SLC35F2: variants seen among roughly 807,000 people sequenced by gnomAD.
SLC35F2 encodes queuine/queuosine transporter SLC35F2.
SLC35F2 carries 25 observed loss-of-function variants against 38.1 expected under a neutral mutation model. The ratio of observed to expected loss-of-function variants is 0.66; its 90% CI spans 0.48 to 0.92. The LOEUF (loss-of-function observed/expected upper bound fraction) is 0.92. Among genes scored for constraint, SLC35F2 ranks in the 40% least tolerant of loss-of-function variants. The pLI is 0.00. For missense variants in SLC35F2, 409 were observed against 452.9 expected (o/e 0.90, Z 0.88); for synonymous variants, 173 against 181.7 (o/e 0.95, Z 0.38).
chr11:107,815,746 T>C (rs1011468110), intron 2 of SLC35F2, 44 bp downstream of exon 2: 14 of 1,547,968 alleles, frequency 9.0e-6, no homozygotes, highest in Non-Finnish European at 1.2e-5. Context: ...GTAATTTTTA[T>C]GAAGATAATT....
At chr11:107,830,123 A>C (rs546788405) in intron 1 of SLC35F2, among the ~76,000 whole-genome samples, 1 of 152,254 alleles carries the variant, frequency 6.6e-6, no homozygotes, top group African/African-American at 2.4e-5. Context: ...AAAAATTGTA[A>C]TTAAAAACTC....
At chr11:107,853,584 G>A (rs942365630) in intron 1 of SLC35F2, among the ~76,000 whole-genome samples, 3 of 151,920 alleles carry the variant, frequency 2.0e-5, no homozygotes, top group African/African-American at 7.3e-5. Context: ...GCCGGGCGTG[G>A]TGGTGGGCGC....
At chr11:107,824,668 G>A (rs1859726204) in intron 1 of SLC35F2, among the ~76,000 whole-genome samples, 1 of 152,134 alleles carries the variant, frequency 6.6e-6, no homozygotes, top group Non-Finnish European at 1.5e-5. Flanking sequence ...TCTTTTTTAA[G>A]TGAGTGTAAT....
At chr11:107,825,915 C>T (rs1031058580) in intron 1 of SLC35F2, among the ~76,000 whole-genome samples, 2 of 152,186 alleles carry the variant, frequency 1.3e-5, no homozygotes, top group South Asian at 2.1e-4. Flanking sequence ...TCTATTTCAG[C>T]GGGAGAGTTT....
chr11:107,793,543 C>CATCTT (rs1859166944), intron 7 of SLC35F2, among the ~76,000 whole-genome samples: 4 of 152,022 alleles, frequency 2.6e-5, no homozygotes, highest in African/African-American at 9.7e-5. Context: ...ACAGAAGGGG[C>CATCTT]ATCTGCTCAA....
At chr11:107,824,187 A>C (rs1197792129) in intron 1 of SLC35F2, among the ~76,000 whole-genome samples, 1 of 152,200 alleles carries the variant, frequency 6.6e-6, no homozygotes, top group Admixed American at 6.5e-5. Flanking sequence ...GTATTGGTGT[A>C]TATGATCACC....
intron 1 of SLC35F2, among the ~76,000 whole-genome samples, chr11:107,833,985 T>C (rs938723741): frequency 3.3e-5 from 5 of 152,238 alleles, no homozygotes; most frequent in Admixed American, 6.5e-5. Flanking sequence ...GAGTTAGATA[T>C]AGATGCTATG....
At chr11:107,831,220 T>C (rs566842419) in intron 1 of SLC35F2, among the ~76,000 whole-genome samples, 2 of 152,264 alleles carry the variant, frequency 1.3e-5, no homozygotes, top group African/African-American at 4.8e-5. Flanking sequence ...CAGTTTAACT[T>C]GGAAATGTGT....
chr11:107,838,627 C>CTTTT (rs71047631), intron 1 of SLC35F2, among the ~76,000 whole-genome samples: 1 of 108,676 alleles, frequency 9.2e-6, no homozygotes, highest in Non-Finnish European at 1.8e-5. Flanking sequence ...GCCCGGCCCT[C>CTTTT]TTTTTTTTTT....
intron 1 of SLC35F2, chr11:107,823,016 T>G: frequency 1.2e-4 from 29 of 235,168 alleles, no homozygotes; most frequent in South Asian, 3.1e-4. Context: ...GACACAATGA[T>G]GAGATGCATT....
At chr11:107,849,249 C>A (rs1455212618) in intron 1 of SLC35F2, among the ~76,000 whole-genome samples, 1 of 152,072 alleles carries the variant, frequency 6.6e-6, no homozygotes, top group African/African-American at 2.4e-5. Context: ...TTCTGTGTAG[C>A]GAGATGATTG....
intron 1 of SLC35F2, among the ~76,000 whole-genome samples, chr11:107,822,812 G>A (rs1460468585): frequency 6.6e-6 from 1 of 152,074 alleles, no homozygotes; most frequent in African/African-American, 2.4e-5. Context: ...GAAAGCTCAA[G>A]ATGTCCTGGA....
chr11:107,814,471 A>AG (rs1555083700), intron 2 of SLC35F2, among the ~76,000 whole-genome samples: 3 of 151,908 alleles, frequency 2.0e-5, no homozygotes, highest in African/African-American at 7.3e-5. Context: ...AAAAAAAAAA[A>AG]AAGAAGAAGC....
At chr11:107,821,085 G>C (rs1334314289) in intron 1 of SLC35F2, among the ~76,000 whole-genome samples, 2 of 152,174 alleles carry the variant, frequency 1.3e-5, no homozygotes, top group African/African-American at 4.8e-5. Context: ...GGGGGAGTTG[G>C]ATGTCCAAAG....
intron 3 of SLC35F2, chr11:107,810,682 A>G (rs1859466539): frequency 1.0e-6 from 1 of 985,012 alleles, no homozygotes; most frequent in South Asian, 4.7e-5. Context: ...TCAAAATCCA[A>G]GAGGTTTCCT....
intron 1 of SLC35F2, among the ~76,000 whole-genome samples, chr11:107,842,093 A>C (rs1330926448): frequency 6.7e-6 from 1 of 149,972 alleles, no homozygotes; most frequent in African/African-American, 2.4e-5. Context: ...AAGAAAAATA[A>C]AAAATAAAAA....
Position 107,806,967 on chromosome 11 carries a change from TAG to T in SLC35F2, c.415-93_415-92del, listed in dbSNP as rs1454253062. 6 of 1,158,942 alleles carry T rather than the reference TAG, an allele frequency of 5.2e-6. No individual in the cohort carries two copies. The East Asian group carries it at 1.5e-4, about 29-fold the overall frequency. 71.8% of individuals were successfully genotyped at this position (1,158,942 alleles called of 1,614,324 possible). A position where few individuals can be genotyped will look rare whatever the true frequency, so the allele number is the denominator to read the frequency against. On this transcript the variant is annotated intron_variant, in intron 3 of 7. Transcript: ENST00000525815. Reference sequence around the variant, plus strand: ...AAATAATAGGAGTCAGTATTTATAATAGGAGTCAGTATTTATTGAGCATTTAT... The same window carrying T: ...AAATAATAGGAGTCAGTATTTATAATGAGTCAGTATTTATTGAGCATTTAT...
chr11:107,843,923 C>G (rs1402654457), intron 1 of SLC35F2, among the ~76,000 whole-genome samples: 1 of 127,976 alleles, frequency 7.8e-6, no homozygotes, highest in Non-Finnish European at 1.6e-5. Context: ...ATTAATTAAG[C>G]CATTCATGAG....
intron 1 of SLC35F2, among the ~76,000 whole-genome samples, chr11:107,851,754 G>C (rs182944297): frequency 6.6e-6 from 1 of 152,138 alleles, no homozygotes; most frequent in Non-Finnish European, 1.5e-5. Flanking sequence ...CTAGTAGAAT[G>C]GGCAGATAGT....
Sources: allele counts gnomAD v4.1 joint callset (sites outside exome capture counted in the v4.1 genomes callset), GRCh38; gene constraint gnomAD v4.1.1; transcripts MANE v1.5; gene names NCBI Gene and HGNC (gene_info 2026-07-23, HGNC 2026-07-21).